The following PDE3B variants were observed in gnomAD, a reference collection of about 807,000 sequenced individuals.
PDE3B encodes the protein cGMP-inhibited 3',5'-cyclic phosphodiesterase 3B.
PDE3B carries 66 observed loss-of-function variants against 116.8 expected under a neutral mutation model. The ratio of observed to expected loss-of-function variants is 0.56; its 90% CI spans 0.46 to 0.69. The LOEUF (loss-of-function observed/expected upper bound fraction) is 0.69. PDE3B is among the 30% of genes least tolerant of loss of function. The pLI is 0.00. For missense variants in PDE3B, 1,384 were observed against 1,368.1 expected (o/e 1.01, Z -0.18); for synonymous variants, 595 against 533.6 (o/e 1.12, Z -1.59).
intron 7 of PDE3B, among the ~76,000 whole-genome samples, chr11:14,820,536 T>A (rs1396871474): frequency 1.3e-5 from 2 of 152,192 alleles, no homozygotes; most frequent in African/African-American, 4.8e-5. Context: ...GTAATGATTG[T>A]TGATAACTGC....
At chr11:14,665,845 T>C (rs1279859213) in intron 1 of PDE3B, among the ~76,000 whole-genome samples, 2 of 152,058 alleles carry the variant, frequency 1.3e-5, no homozygotes, top group Admixed American at 1.3e-4. Flanking sequence ...ATCGTGAAAA[T>C]GGCCATACTG....
rs983157339 is a variant in PDE3B, at chr11:14,781,897, G to T, written c.1030-4540G>T. 2.0e-5 allele frequency among the ~76,000 whole-genome samples: 3 copies of T among 152,110 alleles called. No homozygotes were observed. In the South Asian group the frequency reaches 6.2e-4, roughly 31 times the overall value. On this transcript the variant is annotated intron_variant, in intron 2 of 15. Transcript: ENST00000282096. ...GTCCCTGTTTGCAGATGACATGATTGTATATCTAGAAAACCCCATCATGTC... is the reference window on the plus strand; with the variant it reads ...GTCCCTGTTTGCAGATGACATGATTTTATATCTAGAAAACCCCATCATGTC...
At chr11:14,806,700 A>G (rs1858937355) in intron 5 of PDE3B, among the ~76,000 whole-genome samples, 1 of 151,190 alleles carries the variant, frequency 6.6e-6, no homozygotes, top group Non-Finnish European at 1.5e-5. Context: ...TCTACTAAAA[A>G]TACAAAAAAT....
intron 14 of PDE3B, 118 bp downstream of exon 14, chr11:14,861,484 G>C: frequency 1.1e-6 from 1 of 899,096 alleles, no homozygotes; most frequent in South Asian, 1.7e-5. Context: ...GACTGGGAAG[G>C]GTTAAAAATT....
chr11:14,819,131 A>G lies in PDE3B; in HGVS notation c.1734-5A>G. On this transcript the variant is annotated splice_polypyrimidine_tract_variant and splice_region_variant and intron_variant, in intron 6 of 15. Transcript: ENST00000282096. Reference sequence around the variant, plus strand: ...CGTATATATTTATCTATTTTATTCTATAAGCTGTGGACATCAAATGCTGAA... The same window carrying G: ...CGTATATATTTATCTATTTTATTCTGTAAGCTGTGGACATCAAATGCTGAA... 6.5e-7 allele frequency: 1 copy of G among 1,544,642 alleles called. No individual in the cohort carries two copies. The highest frequency in any genetic ancestry group is 8.9e-7 in the Non-Finnish European group (1 of 1,121,796).
At chr11:14,736,077 C>G (rs1056894554) in intron 1 of PDE3B, among the ~76,000 whole-genome samples, 1 of 151,948 alleles carries the variant, frequency 6.6e-6, no homozygotes, top group African/African-American at 2.4e-5. Flanking sequence ...CTGTGCTCTT[C>G]TCTCTTGCAA....
intron 1 of PDE3B, among the ~76,000 whole-genome samples, chr11:14,684,217 T>G (rs559914214): frequency 4.7e-4 from 71 of 152,312 alleles, no homozygotes; most frequent in African/African-American, 1.7e-3. Context: ...CAACGTAGGT[T>G]CTTTATATTT....
At chr11:14,834,896 AT>A in intron 10 of PDE3B, 85 bp from the exon 11 acceptor site, 1 of 579,414 alleles carries the variant, frequency 1.7e-6, no homozygotes, top group Non-Finnish European at 3.0e-6. Flanking sequence ...CATCTTTTTT[AT>A]GAGGATATAG....
In PDE3B at chr11:14,867,646, A is replaced by G; in HGVS notation, c.3027A>G (p.Leu1009=). Residue 1009 remains leucine, a synonymous_variant, in exon 15 of 16, where the codon CTA becomes CTG. Transcript: ENST00000282096. ...LCNSYDAAGL[L]PGQWLEAEED... is the part of the protein sequence containing the mutation. ...ACTCCTATGATGCTGCTGGTTTGCTACCAGGTCAGTGGTTAGAAGCAGAAG... is the reference window on the plus strand; with the variant it reads ...ACTCCTATGATGCTGCTGGTTTGCTGCCAGGTCAGTGGTTAGAAGCAGAAG... 6.2e-7 allele frequency: 1 copy of G among 1,614,136 alleles called. No individual in the cohort carries two copies. Among genetic ancestry groups the G allele is most frequent in the Non-Finnish European group, 8.5e-7 (1 of 1,180,018 alleles).
chr11:14,731,480 G>A (rs1025648476), intron 1 of PDE3B, among the ~76,000 whole-genome samples: 6 of 151,752 alleles, frequency 4.0e-5, no homozygotes, highest in Non-Finnish European at 8.8e-5. Context: ...GGATGGTCTC[G>A]ATCTCCTGAC....
intron 1 of PDE3B, among the ~76,000 whole-genome samples, chr11:14,730,343 A>T (rs1312274732): frequency 6.6e-6 from 1 of 152,220 alleles, no homozygotes. Context: ...GTGGTCTATC[A>T]ACACTCCTCA....
chr11:14,739,236 CGTGGAATGT>C (rs1179417341), intron 1 of PDE3B, among the ~76,000 whole-genome samples: 1 of 152,158 alleles, frequency 6.6e-6, no homozygotes, highest in Non-Finnish European at 1.5e-5. Context: ...TAACCATGAG[CGTGGAATGT>C]GTTTCCATTT....
intron 2 of PDE3B, among the ~76,000 whole-genome samples, chr11:14,786,178 T>C (rs1290508620): frequency 6.6e-6 from 1 of 151,978 alleles, no homozygotes; most frequent in Admixed American, 6.6e-5. Context: ...AAGGAAATAA[T>C]GAATTAATGA....
chr11:14,864,824 G>A (rs1421936966), intron 14 of PDE3B, among the ~76,000 whole-genome samples: 1 of 152,136 alleles, frequency 6.6e-6, no homozygotes, highest in Non-Finnish European at 1.5e-5. Flanking sequence ...GAATCTCTGG[G>A]ACACAGCTAA....
the PDE3B span, among the ~76,000 whole-genome samples, chr11:14,883,430 G>A: frequency 6.6e-6 from 1 of 152,150 alleles, no homozygotes; most frequent in Non-Finnish European, 1.5e-5. Flanking sequence ...ATAAGCAATG[G>A]GGAAAAGATT....
At chr11:14,716,497 C>T (rs979660801) in intron 1 of PDE3B, among the ~76,000 whole-genome samples, 2 of 150,322 alleles carry the variant, frequency 1.3e-5, no homozygotes, top group African/African-American at 4.9e-5. Flanking sequence ...ACAGCAGGAA[C>T]CTCTGCAGAC....
chr11:14,812,719 C>T (rs1353359228), intron 5 of PDE3B, among the ~76,000 whole-genome samples: 2 of 152,168 alleles, frequency 1.3e-5, no homozygotes, highest in African/African-American at 4.8e-5. Flanking sequence ...GTCCAGATGA[C>T]TTTACTGGTA....
At chr11:14,654,281 G>T (rs1853646106) in intron 1 of PDE3B, among the ~76,000 whole-genome samples, 1 of 151,936 alleles carries the variant, frequency 6.6e-6, no homozygotes, top group Admixed American at 6.6e-5. Context: ...TAAATAAAAA[G>T]ATAACTACTA....
intron 15 of PDE3B, 31 bp from the exon 16 acceptor site, chr11:14,869,430 G>A: frequency 3.8e-6 from 6 of 1,575,758 alleles, no homozygotes; most frequent in Non-Finnish European, 5.2e-6. Context: ...ATATTGCTAT[G>A]ATTAGAATAT....
Sources: allele counts gnomAD v4.1 joint callset (sites outside exome capture counted in the v4.1 genomes callset), GRCh38; gene constraint gnomAD v4.1.1; transcripts MANE v1.5; gene names NCBI Gene and HGNC (gene_info 2026-07-23, HGNC 2026-07-21).